The following PPP1R14C variants were observed in gnomAD, a reference collection of about 807,000 sequenced individuals.
PPP1R14C encodes protein phosphatase 1 regulatory inhibitor subunit 14C, also known as protein phosphatase 1 regulatory subunit 14C.
A neutral mutation model predicts 20.4 loss-of-function variants in PPP1R14C; 16 were observed. That is an observed-to-expected ratio of 0.78 (90% confidence interval 0.53 to 1.19). The LOEUF (loss-of-function observed/expected upper bound fraction) is 1.19. Ranked by LOEUF, PPP1R14C falls within the 50% of genes most tolerant of loss-of-function variation. PPP1R14C has a pLI of 0.00. For synonymous variants in PPP1R14C, 91 were observed against 91.0 expected (o/e 1.00, Z 0.00); for missense variants, 211 against 220.1 (o/e 0.96, Z 0.26).
Position 150,248,803 on chromosome 6 carries a change from CAGA to C in PPP1R14C, c.488_490del (p.Lys163del), listed in dbSNP as rs780146490. The C allele has an allele frequency of 1.2e-6, 2 of 1,612,114 alleles. No individual in the cohort carries two copies. The highest frequency in any genetic ancestry group is 8.5e-7 in the Non-Finnish European group (1 of 1,178,318). ...AGGCATGAGGAAACTGAGCCCTCCG[CAGA>C]AGAAGAGTGTATGATTCTGGAACAG... is the stretch of plus-strand genomic sequence containing the variant. On this transcript the variant is annotated inframe_deletion, in exon 4 of 4. Transcript: ENST00000361131.
intron 1 of PPP1R14C, among the ~76,000 whole-genome samples, chr6:150,190,542 T>C (rs1582910444): frequency 6.6e-6 from 1 of 151,874 alleles, no homozygotes; most frequent in East Asian, 1.9e-4. Context: ...TTCTCCTGCC[T>C]CAGCCTCCCA....
At chr6:150,176,073 C>T (rs944546080) in intron 1 of PPP1R14C, among the ~76,000 whole-genome samples, 4 of 152,184 alleles carry the variant, frequency 2.6e-5, no homozygotes. Context: ...TTTTCCCTTT[C>T]TTGGGGGTTA....
intron 1 of PPP1R14C, among the ~76,000 whole-genome samples, chr6:150,213,493 G>A (rs1317367056): frequency 1.3e-5 from 2 of 152,178 alleles, no homozygotes; most frequent in Non-Finnish European, 2.9e-5. Flanking sequence ...AAGACACAGA[G>A]AGGCCACACC....
rs1362420803 is a variant in PPP1R14C at position 150,201,634 on chromosome 6, G to A, written c.307-13110G>A. 6.6e-6 allele frequency among the ~76,000 whole-genome samples: 1 copy of A among 152,208 alleles called. No individual in the cohort carries two copies. Among genetic ancestry groups the A allele is most frequent in the African/African-American group, 2.4e-5 (1 of 41,458 alleles). On this transcript the variant is annotated intron_variant, in intron 1 of 3. Coordinates refer to ENST00000361131, the MANE Select transcript of PPP1R14C (RefSeq NM_030949.3). The surrounding 1 kb of genome is among the most constrained non-coding windows in gnomAD (Gnocchi z 4.2). ...GGAAGCCACCCGTGAGTTCTAAGCT[G>A]GTGAATGACAGATCTGTGTTCTTAA...
intron 1 of PPP1R14C, among the ~76,000 whole-genome samples, chr6:150,155,130 AGTGAAATTTAACAAG>A (rs1777292155): frequency 6.6e-6 from 1 of 152,222 alleles, no homozygotes; most frequent in Non-Finnish European, 1.5e-5. Context: ...AGCTTTCAGA[AGTGAAATTTAACAAG>A]GTGAAATGTA....
intron 1 of PPP1R14C, among the ~76,000 whole-genome samples, chr6:150,207,656 A>G (rs1777970725): frequency 6.6e-6 from 1 of 152,222 alleles, no homozygotes; most frequent in South Asian, 2.1e-4. Context: ...GTAAGACCTA[A>G]TATGTCTTAA....
At chr6:150,226,843 CT>C (rs1282055563) in intron 3 of PPP1R14C, among the ~76,000 whole-genome samples, 1 of 152,112 alleles carries the variant, frequency 6.6e-6, no homozygotes, top group East Asian at 1.9e-4. Flanking sequence ...AAAGGCATTT[CT>C]GGGTTCCAGT....
At chr6:150,192,343 G>A (rs996518483) in intron 1 of PPP1R14C, among the ~76,000 whole-genome samples, 10 of 152,044 alleles carry the variant, frequency 6.6e-5, no homozygotes, top group African/African-American at 2.4e-4. Context: ...GATGGTTTCG[G>A]GATGAAACTG....
intron 1 of PPP1R14C, among the ~76,000 whole-genome samples, chr6:150,172,527 C>G (rs1180174401): frequency 2.0e-5 from 3 of 152,174 alleles, no homozygotes; most frequent in Admixed American, 2.0e-4. Context: ...ATCCCCAGCT[C>G]TGAGCATCAC....
At chr6:150,198,376 G>T (rs1777835321) in intron 1 of PPP1R14C, among the ~76,000 whole-genome samples, 1 of 152,260 alleles carries the variant, frequency 6.6e-6, no homozygotes, top group South Asian at 2.1e-4. Context: ...TGGATGCCCG[G>T]CTTTGTGTGT....
At chr6:150,189,138 T>A (rs1268448664) in intron 1 of PPP1R14C, among the ~76,000 whole-genome samples, 3 of 152,178 alleles carry the variant, frequency 2.0e-5, no homozygotes, top group Non-Finnish European at 4.4e-5. Flanking sequence ...GGATTACAGG[T>A]GTGAGCCACC....
At chr6:150,236,639 G>GT (rs57573967) in intron 3 of PPP1R14C, among the ~76,000 whole-genome samples, 1 of 140,094 alleles carries the variant, frequency 7.1e-6, no homozygotes, top group Non-Finnish European at 1.6e-5. Flanking sequence ...GTGTGTGTGT[G>GT]CGCGTGTGTG....
At chr6:150,227,241 CTT>C (rs1260769129) in intron 3 of PPP1R14C, among the ~76,000 whole-genome samples, 4 of 152,206 alleles carry the variant, frequency 2.6e-5, no homozygotes, top group Non-Finnish European at 5.9e-5. Flanking sequence ...GTTTTACAAT[CTT>C]TTCTTTATTC....
chr6:150,185,698 G>T lies in PPP1R14C; in HGVS notation c.307-29046G>T, dbSNP rs993953305. The stretch of plus-strand genomic sequence containing the variant: ...CAAATCAGCTCTGTGTGTCGGTGAG[G>T]ATAGGCGAGGCTATGTTACACTCAG... On this transcript the variant is annotated intron_variant, in intron 1 of 3. Transcript: ENST00000361131. The surrounding 1 kb of genome is among the most constrained non-coding windows in gnomAD (Gnocchi z 4.1). Among the ~76,000 whole-genome samples, 7 of 152,068 alleles carry T rather than the reference G, an allele frequency of 4.6e-5. No individual in the cohort carries two copies. Among genetic ancestry groups the T allele is most frequent in the Non-Finnish European group, 7.4e-5 (5 of 68,014 alleles).
intron 1 of PPP1R14C, among the ~76,000 whole-genome samples, chr6:150,193,988 G>A (rs980135876): frequency 2.0e-5 from 3 of 152,028 alleles, no homozygotes; most frequent in Non-Finnish European, 4.4e-5. Flanking sequence ...CATGGGGGGC[G>A]GTTTCCCTGA....
chr6:150,200,748 A>G (rs186224985), intron 1 of PPP1R14C, among the ~76,000 whole-genome samples: 214 of 152,264 alleles, frequency 1.4e-3, no homozygotes, highest in African/African-American at 4.6e-3. Context: ...GTTACTCCCA[A>G]ACTTGCTTCT....
At chr6:150,174,524 AT>A (rs1777539450) in intron 1 of PPP1R14C, among the ~76,000 whole-genome samples, 1 of 151,584 alleles carries the variant, frequency 6.6e-6, no homozygotes, top group South Asian at 2.1e-4. Flanking sequence ...CCGTGTGTGC[AT>A]TTTTATCTTC....
chr6:150,160,482 C>T (rs975408405), intron 1 of PPP1R14C, among the ~76,000 whole-genome samples: 10 of 150,318 alleles, frequency 6.7e-5, no homozygotes, highest in Non-Finnish European at 1.3e-4. Context: ...ACCGTGTTAG[C>T]GAGGATGGTC....
intron 3 of PPP1R14C, among the ~76,000 whole-genome samples, chr6:150,232,349 A>G (rs1352222312): frequency 6.6e-6 from 1 of 152,222 alleles, no homozygotes; most frequent in Non-Finnish European, 1.5e-5. Context: ...TATAGGTTGC[A>G]AAGTTATTTT....
Sources: gnomAD v4.1 joint callset for allele counts (sites outside exome capture counted in the v4.1 genomes callset) on GRCh38, gnomAD v4.1.1 for gene constraint, Gnocchi (gnomAD v3.1) non-coding constraint, MANE v1.5 for transcripts, NCBI Gene and HGNC (gene_info 2026-07-23, HGNC 2026-07-21) for gene names.